The following STPG2 variants were observed in gnomAD, a reference collection of about 807,000 sequenced individuals.
STPG2 encodes the protein sperm tail PG-rich repeat containing 2, also known as sperm-tail PG-rich repeat-containing protein 2.
A neutral mutation model predicts 54.2 loss-of-function variants in STPG2; 56 were observed. That is an observed-to-expected ratio of 1.03 (90% confidence interval 0.83 to 1.29). STPG2 has a LOEUF of 1.29. Ranked by LOEUF, STPG2 falls within the 50% of genes most tolerant of loss-of-function variation. The pLI, the probability that STPG2 is intolerant of heterozygous loss-of-function variation, is 0.00. For synonymous variants in STPG2, 200 were observed against 181.8 expected (o/e 1.10, Z -0.81); for missense variants, 596 against 544.9 (o/e 1.09, Z -0.93).
chr4:97,625,203 T>C (rs1331158447), intron 10 of STPG2, among the ~76,000 whole-genome samples: 2 of 152,244 alleles, frequency 1.3e-5, no homozygotes. Flanking sequence ...TTCAGCTTTA[T>C]GTTTTTCAAT....
chr4:97,782,967 C>T (rs1379718511), intron 9 of STPG2, among the ~76,000 whole-genome samples: 5 of 152,096 alleles, frequency 3.3e-5, no homozygotes, highest in Admixed American at 6.6e-5. Context: ...GACCTAAAAC[C>T]ATAAAAACCC....
intron 8 of STPG2, among the ~76,000 whole-genome samples, chr4:97,860,643 A>G (rs1219293795): frequency 1.3e-5 from 2 of 152,120 alleles, no homozygotes; most frequent in Non-Finnish European, 2.9e-5. Context: ...CTGAAATGTT[A>G]CTGAATTCAT....
At chr4:97,565,175 T>G (rs1261933167) in intron 10 of STPG2, among the ~76,000 whole-genome samples, 1 of 152,190 alleles carries the variant, frequency 6.6e-6, no homozygotes, top group Non-Finnish European at 1.5e-5. Flanking sequence ...TCGCTTCATT[T>G]CATTCATTTC....
At chr4:98,136,824 C>A (rs1481686413) in intron 1 of STPG2, among the ~76,000 whole-genome samples, 3 of 151,302 alleles carry the variant, frequency 2.0e-5, no homozygotes, top group African/African-American at 7.3e-5. Flanking sequence ...ATATTGTAAA[C>A]CCTAGGCAAC....
intron 9 of STPG2, among the ~76,000 whole-genome samples, chr4:97,759,214 A>C (rs1272733362): frequency 6.6e-6 from 1 of 152,142 alleles, no homozygotes; most frequent in Non-Finnish European, 1.5e-5. Context: ...ATGTAAGGGC[A>C]GTGTGGTGGT....
intron 5 of STPG2, among the ~76,000 whole-genome samples, chr4:98,078,989 T>C (rs1323742070): frequency 6.6e-6 from 1 of 152,200 alleles, no homozygotes; most frequent in African/African-American, 2.4e-5. Context: ...ATTATGTTTC[T>C]ACTAAAGCCT....
chr4:97,444,524 A>G (rs970003401), intron 4 of STPG2, among the ~76,000 whole-genome samples: 5 of 152,214 alleles, frequency 3.3e-5, no homozygotes, highest in African/African-American at 9.6e-5. Flanking sequence ...GAACTTCTTT[A>G]TTCAGCAAAA....
In STPG2 at chr4:97,771,600, G is replaced by A. The variant is rs138326055; in HGVS notation, c.1205-58786C>T. ...CACGTGAGCATGTAGAAGGAATGGG[G>A]TTTCCGATGCAGGAGAGGGCTTGGA... On this transcript the variant is annotated intron_variant, in intron 9 of 10. Transcript: ENST00000295268. 2.6e-5 allele frequency among the ~76,000 whole-genome samples: 4 copies of A among 152,298 alleles called. No individual in the cohort carries two copies. The South Asian group carries it at 8.3e-4, about 32-fold the overall frequency.
At chr4:97,614,569 C>A (rs1275217562) in intron 10 of STPG2, among the ~76,000 whole-genome samples, 2 of 152,050 alleles carry the variant, frequency 1.3e-5, no homozygotes, top group Non-Finnish European at 2.9e-5. Context: ...TTGAGCATCC[C>A]AAAAAACTGT....
At chr4:97,700,915 C>A (rs1723751408) in intron 10 of STPG2, among the ~76,000 whole-genome samples, 1 of 152,196 alleles carries the variant, frequency 6.6e-6, no homozygotes, top group African/African-American at 2.4e-5. Flanking sequence ...GGTACAGCAG[C>A]TGAAATTGGA....
intron 10 of STPG2, among the ~76,000 whole-genome samples, chr4:97,572,238 G>A (rs1199406072): frequency 6.6e-6 from 1 of 152,116 alleles, no homozygotes; most frequent in Non-Finnish European, 1.5e-5. Context: ...TGTGGACTGT[G>A]TATCATGTAA....
chr4:97,733,556 A>C lies in STPG2; in HGVS notation c.1205-20742T>G, dbSNP rs1339731901. ...ATATAATTCATTCGTGTAACAAAAA[A>C]AAAACACTTGTACCCCAAAAGCTAT... On this transcript the variant is annotated intron_variant, in intron 9 of 10. Coordinates refer to ENST00000295268, the MANE Select transcript of STPG2 (RefSeq NM_174952.3). Among the ~76,000 whole-genome samples, 3 of 152,154 alleles carry C rather than the reference A, an allele frequency of 2.0e-5. No individual in the cohort carries two copies. In the East Asian group the frequency reaches 5.8e-4, roughly 29 times the overall value.
chr4:97,722,721 CA>C (rs1486629733), intron 9 of STPG2, among the ~76,000 whole-genome samples: 15 of 151,184 alleles, frequency 9.9e-5, no homozygotes, highest in African/African-American at 3.6e-4. Context: ...ATACTTTTTT[CA>C]TTTTCTTTTG....
At chr4:97,555,214 C>T (rs954922777), downstream of STPG2, among the ~76,000 whole-genome samples, 1 of 152,082 alleles carries the variant, frequency 6.6e-6, no homozygotes, top group Non-Finnish European at 1.5e-5. Flanking sequence ...GGTAATTAAG[C>T]CTGAAGTATA....
intron 8 of STPG2, among the ~76,000 whole-genome samples, chr4:97,877,457 A>C (rs1730218893): frequency 6.6e-6 from 1 of 152,218 alleles, no homozygotes; most frequent in Admixed American, 6.5e-5. Flanking sequence ...AAAGAAGTTT[A>C]ACGGACTCAC....
intron 10 of STPG2, among the ~76,000 whole-genome samples, chr4:97,577,724 C>G (rs1161682112): frequency 6.6e-6 from 1 of 152,136 alleles, no homozygotes; most frequent in Non-Finnish European, 1.5e-5. Flanking sequence ...ATTCCTGAAT[C>G]TAAAACAAAC....
At chr4:97,953,180 A>G (rs1350630864) in intron 7 of STPG2, among the ~76,000 whole-genome samples, 2 of 152,298 alleles carry the variant, frequency 1.3e-5, no homozygotes, top group East Asian at 3.9e-4. Context: ...AGTGAGCATC[A>G]GAGGAATTCG....
chr4:97,786,671 G>A (rs1726833822), intron 9 of STPG2, among the ~76,000 whole-genome samples: 1 of 151,902 alleles, frequency 6.6e-6, no homozygotes, highest in African/African-American at 2.4e-5. Context: ...TCCATTCCAG[G>A]GTAGGTGAAT....
intron 5 of STPG2, among the ~76,000 whole-genome samples, chr4:97,994,684 C>A (rs1409668708): frequency 6.6e-6 from 1 of 152,072 alleles, no homozygotes; most frequent in East Asian, 1.9e-4. Flanking sequence ...AATACCAGCA[C>A]CTACTCTGGT....
Sources: gnomAD v4.1 joint callset for allele counts (sites outside exome capture counted in the v4.1 genomes callset) on GRCh38, gnomAD v4.1.1 for gene constraint, MANE v1.5 for transcripts, NCBI Gene and HGNC (gene_info 2026-07-23, HGNC 2026-07-21) for gene names.